Variants in AGBL4 observed in about 807,000 individuals in gnomAD.
The protein encoded by AGBL4 is AGBL carboxypeptidase 4.
A neutral mutation model predicts 66.4 loss-of-function variants in AGBL4; 58 were observed. That is an observed-to-expected ratio of 0.87 (90% CI 0.71 to 1.09). The LOEUF is 1.09. Among genes scored for constraint, AGBL4 ranks in the 50% least tolerant of loss-of-function variants. AGBL4 has a pLI of 0.00. For synonymous variants in AGBL4, 234 were observed against 222.9 expected, an observed-to-expected ratio of 1.05 and a Z score of -0.44; for missense variants, 579 against 631.0, an observed-to-expected ratio of 0.92 and a Z score of 0.88.
intron 4 of AGBL4, among the ~76,000 whole-genome samples, chr1:49,152,624 G>A (rs1370425126): frequency 6.6e-6 from 1 of 152,170 alleles, no homozygotes; most frequent in Non-Finnish European, 1.5e-5. Context: ...TTTAGCAGAT[G>A]GGGTGAAAAT....
intron 1 of AGBL4, among the ~76,000 whole-genome samples, chr1:50,008,540 C>T (rs976303643): frequency 1.3e-5 from 2 of 151,348 alleles, no homozygotes; most frequent in African/African-American, 4.9e-5. Flanking sequence ...AGTTTATTGC[C>T]GTAAGAAACT....
chr1:48,600,275 G>T, intron 9 of AGBL4, among the ~76,000 whole-genome samples: 1 of 152,152 alleles, frequency 6.6e-6, no homozygotes, highest in East Asian at 1.9e-4. Context: ...AGGGGTATAG[G>T]GGTGTGGGAA....
intron 4 of AGBL4, among the ~76,000 whole-genome samples, chr1:49,229,617 AC>A (rs1436908335): frequency 3.3e-5 from 5 of 152,230 alleles, no homozygotes; most frequent in African/African-American, 1.2e-4. Context: ...TCAGAAAAAA[AC>A]ATTTGTATTC....
chr1:49,885,633 T>C (rs1198297851), intron 1 of AGBL4, among the ~76,000 whole-genome samples: 7 of 152,150 alleles, frequency 4.6e-5, no homozygotes, highest in African/African-American at 9.6e-5. Flanking sequence ...CAAATATGTA[T>C]TGAAGATCTA....
At chr1:48,769,296 C>T (rs1347644862) in intron 6 of AGBL4, among the ~76,000 whole-genome samples, 1 of 152,066 alleles carries the variant, frequency 6.6e-6, no homozygotes, top group Admixed American at 6.5e-5. Context: ...TTCAGTAGGT[C>T]TCCTTGTTCT....
intron 3 of AGBL4, among the ~76,000 whole-genome samples, chr1:49,385,090 A>C (rs150827649): frequency 1.3e-5 from 2 of 152,316 alleles, no homozygotes; most frequent in African/African-American, 4.8e-5. Flanking sequence ...CTCTTATATG[A>C]GGTCTCTAAA....
rs111493659 is a variant in AGBL4, at chr1:48,791,442, C to T, written c.634+75749G>A. Among the ~76,000 whole-genome samples the T allele has an allele frequency of 1.8e-3, 281 of 152,288 alleles. 1 individual carries two copies. Among genetic ancestry groups the T allele is most frequent in the African/African-American group, 6.4e-3 (266 of 41,570 alleles). On this transcript the variant is annotated intron_variant, in intron 6 of 13. Transcript: ENST00000371839. ...CCCCCACCACTACCCTCCATTCCCC[C>T]ATCCCCATCAAGGGGTTCTGTTAAT...
chr1:48,622,676 GTTT>G (rs1408663522), intron 9 of AGBL4, among the ~76,000 whole-genome samples: 1 of 151,834 alleles, frequency 6.6e-6, no homozygotes, highest in African/African-American at 2.4e-5. Context: ...TAGAGATGTG[GTTT>G]CACCATGTTG....
chr1:49,939,904 G>A (rs1400114662), intron 1 of AGBL4, among the ~76,000 whole-genome samples: 3 of 152,140 alleles, frequency 2.0e-5, no homozygotes, highest in Admixed American at 6.6e-5. Context: ...TACCATCAGA[G>A]TGAATAGGCA....
chr1:49,732,241 C>G (rs1649512325), intron 2 of AGBL4, among the ~76,000 whole-genome samples: 1 of 152,092 alleles, frequency 6.6e-6, no homozygotes, highest in Non-Finnish European at 1.5e-5. Context: ...GCAGAGAGAC[C>G]CAAGTTATTT....
chr1:48,668,592 C>A (rs1482245506), intron 6 of AGBL4, among the ~76,000 whole-genome samples: 1 of 152,150 alleles, frequency 6.6e-6, no homozygotes, highest in African/African-American at 2.4e-5. Context: ...AGGATGCCAG[C>A]CCCCATCTTG....
At chr1:48,593,207 C>G (rs1644943733) in intron 9 of AGBL4, among the ~76,000 whole-genome samples, 2 of 152,182 alleles carry the variant, frequency 1.3e-5, no homozygotes, top group Non-Finnish European at 2.9e-5. Flanking sequence ...CACCCAAACC[C>G]CCTGCTCCAA....
At chr1:49,673,088 G>T (rs906729990) in intron 3 of AGBL4, among the ~76,000 whole-genome samples, 5 of 152,112 alleles carry the variant, frequency 3.3e-5, no homozygotes, top group African/African-American at 1.2e-4. Context: ...CCCCACACAT[G>T]AAACTAATAA....
chr1:49,111,160 T>A (rs1307360781), intron 4 of AGBL4, among the ~76,000 whole-genome samples: 1 of 151,308 alleles, frequency 6.6e-6, no homozygotes, highest in Non-Finnish European at 1.5e-5. Flanking sequence ...GTCACCCAGG[T>A]TGGAGTGCAG....
chr1:49,906,237 A>G (rs1280873503), intron 1 of AGBL4, among the ~76,000 whole-genome samples: 1 of 151,892 alleles, frequency 6.6e-6, no homozygotes, highest in East Asian at 1.9e-4. Context: ...TTATTAATTT[A>G]TTGCAGTTAT....
Position 49,897,345 on chromosome 1 carries a change from C to T in AGBL4, c.35-45827G>A, listed in dbSNP as rs543835810. Among the ~76,000 whole-genome samples, 12 of 151,930 alleles carry T rather than the reference C, an allele frequency of 7.9e-5. No individual in the cohort carries two copies. The South Asian group carries it at 2.5e-3, about 32-fold the overall frequency. Reference sequence around the variant, plus strand: ...GTGAAAGAGAAATTTAAAAACTAATCCCATATACAATACCCACAAATAAAA... The same window carrying T: ...GTGAAAGAGAAATTTAAAAACTAATTCCATATACAATACCCACAAATAAAA... On this transcript the variant is annotated intron_variant, in intron 1 of 13. Transcript: ENST00000371839.
At chr1:49,354,428 T>C (rs1409334355) in intron 3 of AGBL4, among the ~76,000 whole-genome samples, 3 of 152,242 alleles carry the variant, frequency 2.0e-5, no homozygotes, top group South Asian at 2.1e-4. Context: ...CATTGCTCAC[T>C]CTTTGTCAGT....
intron 11 of AGBL4, among the ~76,000 whole-genome samples, chr1:48,551,787 C>A (rs1183636273): frequency 6.6e-6 from 1 of 151,966 alleles, no homozygotes; most frequent in Non-Finnish European, 1.5e-5. Flanking sequence ...CTCCGCTCTA[C>A]CCTGGGAAAA....
chr1:49,612,709 A>T (rs188444746), intron 3 of AGBL4, among the ~76,000 whole-genome samples: 7 of 152,334 alleles, frequency 4.6e-5, no homozygotes, highest in African/African-American at 1.7e-4. Flanking sequence ...ATGGCTATGT[A>T]TTAAAAAGTC....
Sources: allele counts gnomAD v4.1 joint callset (sites outside exome capture counted in the v4.1 genomes callset), GRCh38; gene constraint gnomAD v4.1.1; transcripts MANE v1.5; gene names NCBI Gene and HGNC (gene_info 2026-07-23, HGNC 2026-07-21).